The following GPC6 variants were observed in gnomAD, a reference collection of about 807,000 sequenced individuals.
GPC6 encodes the protein glypican 6.
Under a neutral mutation model 55.2 loss-of-function variants are expected in GPC6, and 14 were observed. The ratio of observed to expected loss-of-function variants is 0.25; its 90% CI spans 0.17 to 0.40. The LOEUF is 0.40. GPC6 is among the 10% of genes least tolerant of loss of function. The pLI is 1.00. For synonymous variants in GPC6, 278 were observed against 259.6 expected, an observed-to-expected ratio of 1.07 and a Z score of -0.68; for missense variants, 641 against 708.5, an observed-to-expected ratio of 0.90 and a Z score of 1.08.
intron 7 of GPC6, among the ~76,000 whole-genome samples, chr13:94,396,128 G>A (rs1467889497): frequency 6.6e-6 from 1 of 152,118 alleles, no homozygotes; most frequent in Non-Finnish European, 1.5e-5. Flanking sequence ...ATCCCCTGGG[G>A]CCCCCTCTCC....
chr13:93,338,552 T>C (rs1566306326), intron 1 of GPC6, among the ~76,000 whole-genome samples: 1 of 152,194 alleles, frequency 6.6e-6, no homozygotes, highest in East Asian at 1.9e-4. Context: ...ATCTGTATCT[T>C]AGAAGGATGA....
intron 4 of GPC6, among the ~76,000 whole-genome samples, chr13:94,212,921 GC>G (rs746564269): frequency 2.6e-5 from 4 of 152,202 alleles, no homozygotes; most frequent in Non-Finnish European, 5.9e-5. Context: ...ACTTTGGGAG[GC>G]CAAGGTGGGC....
At chr13:94,118,241 TAGTG>T (rs1886502806) in intron 4 of GPC6, among the ~76,000 whole-genome samples, 1 of 152,082 alleles carries the variant, frequency 6.6e-6, no homozygotes, top group Non-Finnish European at 1.5e-5. Context: ...GTTCTCGTGA[TAGTG>T]AGTGAGTTCT....
chr13:93,854,102 G>T lies in GPC6; in HGVS notation c.711+23557G>T, dbSNP rs368708642. 3.3e-5 allele frequency among the ~76,000 whole-genome samples: 5 copies of T among 151,550 alleles called. No individual in the cohort carries two copies. The East Asian group carries it at 7.8e-4, about 24-fold the overall frequency. On this transcript the variant is annotated intron_variant, in intron 3 of 8. Transcript: ENST00000377047. ...CATGAACACCCTCTATGCAAAGGTTGGGGTGTTTCTTTCAAATTACCATAA... is the reference window on the plus strand; with the variant it reads ...CATGAACACCCTCTATGCAAAGGTTTGGGTGTTTCTTTCAAATTACCATAA...
intron 2 of GPC6, among the ~76,000 whole-genome samples, chr13:93,786,958 C>A (rs1469617850): frequency 1.3e-5 from 2 of 152,170 alleles, no homozygotes; most frequent in African/African-American, 4.8e-5. Flanking sequence ...CCAGCTATAA[C>A]AGTATTATTT....
intron 4 of GPC6, among the ~76,000 whole-genome samples, chr13:94,177,260 A>G (rs773569338): frequency 6.6e-6 from 1 of 152,206 alleles, no homozygotes; most frequent in African/African-American, 2.4e-5. Flanking sequence ...AAGTGACTGA[A>G]TGAAATAACC....
At chr13:93,510,106 C>CA (rs1880892639) in intron 1 of GPC6, among the ~76,000 whole-genome samples, 1 of 152,106 alleles carries the variant, frequency 6.6e-6, no homozygotes, top group Non-Finnish European at 1.5e-5. Context: ...TTTATGCCCT[C>CA]AAACCAATTT....
At chr13:93,239,090 A>G (rs1321726554) in intron 1 of GPC6, among the ~76,000 whole-genome samples, 2 of 151,892 alleles carry the variant, frequency 1.3e-5, no homozygotes, top group Admixed American at 6.6e-5. Context: ...TATCAGGGTG[A>G]TACTGGCTTC....
chr13:93,798,792 G>T (rs970932687), intron 2 of GPC6, among the ~76,000 whole-genome samples: 1 of 151,702 alleles, frequency 6.6e-6, no homozygotes, highest in Non-Finnish European at 1.5e-5. Context: ...GGTGGTGTGT[G>T]CCTGTAATCC....
intron 6 of GPC6, among the ~76,000 whole-genome samples, chr13:94,333,535 C>CTT (rs1877532036): frequency 6.6e-6 from 1 of 152,210 alleles, no homozygotes; most frequent in African/African-American, 2.4e-5. Context: ...TTTAGTTGCA[C>CTT]TTTGTACATT....
At chr13:93,978,203 AG>A (rs967949197) in intron 3 of GPC6, among the ~76,000 whole-genome samples, 1 of 152,206 alleles carries the variant, frequency 6.6e-6, no homozygotes, top group African/African-American at 2.4e-5. Context: ...AAAACAATGA[AG>A]CAGATTCTCC....
At chr13:93,632,302 A>C (rs1174267471) in intron 2 of GPC6, among the ~76,000 whole-genome samples, 2 of 152,058 alleles carry the variant, frequency 1.3e-5, no homozygotes, top group Admixed American at 1.3e-4. Flanking sequence ...TATTAACGGT[A>C]ATGAAATAAG....
At chr13:94,047,185 T>C (rs1416961641) in intron 4 of GPC6, among the ~76,000 whole-genome samples, 3 of 152,030 alleles carry the variant, frequency 2.0e-5, no homozygotes, top group Admixed American at 6.6e-5. Flanking sequence ...TGTTAAAGGA[T>C]AGTAAAATCA....
intron 4 of GPC6, among the ~76,000 whole-genome samples, chr13:94,091,879 A>G (rs1476651176): frequency 7.1e-6 from 1 of 141,198 alleles, no homozygotes; most frequent in East Asian, 2.2e-4. Context: ...AACTCACAGA[A>G]CTCGAGATCA....
intron 2 of GPC6, among the ~76,000 whole-genome samples, chr13:93,614,436 A>G (rs1406137815): frequency 1.4e-5 from 2 of 141,740 alleles, no homozygotes; most frequent in Non-Finnish European, 2.9e-5. Flanking sequence ...AGGGCAAATT[A>G]CTTTACTTCT....
intron 1 of GPC6, among the ~76,000 whole-genome samples, chr13:93,255,927 A>G (rs1876936271): frequency 6.6e-6 from 1 of 152,146 alleles, no homozygotes; most frequent in Admixed American, 6.6e-5. Flanking sequence ...GGAGGCCAGG[A>G]GTTCAAGACC....
At chr13:94,298,360 T>C (rs1335868797) in intron 5 of GPC6, among the ~76,000 whole-genome samples, 1 of 152,218 alleles carries the variant, frequency 6.6e-6, no homozygotes, top group Non-Finnish European at 1.5e-5. Flanking sequence ...CACTTCCACT[T>C]TGAGAAAGGC....
upstream of GPC6, among the ~76,000 whole-genome samples, chr13:93,222,515 C>T (rs1875650885): frequency 2.6e-5 from 4 of 152,280 alleles, no homozygotes; most frequent in South Asian, 8.3e-4. Flanking sequence ...ACCCAGTTTA[C>T]TATACTAAAA....
At chr13:93,234,698 G>GAGAGAGAGTGCA (rs1876173698) in intron 1 of GPC6, among the ~76,000 whole-genome samples, 1 of 151,984 alleles carries the variant, frequency 6.6e-6, no homozygotes, top group African/African-American at 2.4e-5. Flanking sequence ...GAGAGAGAGA[G>GAGAGAGAGTGCA]AGAGAGAGAG....
Sources: allele counts gnomAD v4.1 joint callset (sites outside exome capture counted in the v4.1 genomes callset), GRCh38; gene constraint gnomAD v4.1.1; transcripts MANE v1.5; gene names NCBI Gene and HGNC (gene_info 2026-07-23, HGNC 2026-07-21).